Variants in TUBGCP6 observed in about 807,000 individuals in gnomAD.
TUBGCP6 encodes the protein tubulin gamma complex component 6, also known as gamma-tubulin complex component 6.
Under a neutral mutation model 175.8 loss-of-function variants are expected in TUBGCP6, and 161 were observed. The observed-to-expected ratio is 0.92, with a 90% confidence interval of 0.81 to 1.04. TUBGCP6 has a LOEUF of 1.04. Ranked by LOEUF, TUBGCP6 falls within the 50% of genes least tolerant of loss-of-function variation. The probability of loss-of-function intolerance (pLI) is 0.00; values close to 1 mark genes in which losing one functional copy is unlikely to be tolerated. For synonymous variants in TUBGCP6, 1,173 were observed against 1,030.5 expected, an observed-to-expected ratio of 1.14 and a Z score of -2.65; for missense variants, 2,572 against 2,433.0, an observed-to-expected ratio of 1.06 and a Z score of -1.20.
intron 17 of TUBGCP6, 76 bp downstream of exon 17, chr22:50,219,881 A>T: frequency 6.2e-7 from 1 of 1,603,868 alleles, no homozygotes; most frequent in Non-Finnish European, 8.5e-7. Flanking sequence ...CGCATGTGGG[A>T]CCCACCCGCG....
Position 50,220,534 on chromosome 22 carries a change from G to A in TUBGCP6, c.3825C>T (p.Pro1275=). The A allele has an allele frequency of 6.2e-7, 1 of 1,613,552 alleles. No individual in the cohort carries two copies. Among genetic ancestry groups the A allele is most frequent in the Non-Finnish European group, 8.5e-7 (1 of 1,179,992 alleles). The change falls in exon 16 of 25, where the codon CCC becomes CCT. Residue 1275 remains proline (P), a synonymous_variant. Coordinates refer to ENST00000248846, the MANE Select transcript of TUBGCP6 (RefSeq NM_020461.4). The part of the protein sequence containing the change: ...RWNTHVPIPP[P]HMVLGALSPE... The stretch of plus-strand genomic sequence containing the variant: ...GTGAGAGAGCCCCCAGCACCATGTG[G>A]GGCGGAGGGATGGGTACATGGGTGT...
In TUBGCP6 at chr22:50,218,852, G is replaced by A. The variant is rs1451435956; in HGVS notation, c.4672C>T (p.Leu1558=). ...TPGELLNPLV[L]NSVLSKALQC... is the part of the protein sequence containing the mutation. Reference sequence around the variant, plus strand: ...AGGGCCTTGCTCAGCACAGAGTTCAGCACCAGCGGGTTGAGCAGCTCTCCG... The same window carrying A: ...AGGGCCTTGCTCAGCACAGAGTTCAACACCAGCGGGTTGAGCAGCTCTCCG... Residue 1558 remains leucine (L), a synonymous_variant, in exon 21 of 25, where the codon CTG becomes TTG. Transcript: ENST00000248846. The A allele has an allele frequency of 1.2e-6, 2 of 1,613,768 alleles. No homozygotes were observed. The highest frequency in any genetic ancestry group is 1.7e-6 in the Non-Finnish European group (2 of 1,179,958).
Position 50,243,951 on chromosome 22 carries a change from A to G in TUBGCP6, c.509T>C (p.Leu170Ser). The G allele has an allele frequency of 6.2e-7, 1 of 1,614,150 alleles. No homozygotes were observed. The highest frequency in any genetic ancestry group is 8.5e-7 in the Non-Finnish European group (1 of 1,180,038). ...TGTTTCCTGGATCATGCTGTGACAC[A>G]AACACTCTTCTCTGGAGATCAGAGA... ...VQSLISREEC[L>S]CHSMIQETLQ... The change falls in exon 1 of 25, where the codon TTG (leucine) becomes TCG (serine). Residue 170 changes from leucine (L) to serine (S), a missense_variant. By Grantham distance (145) the Leu-to-Ser change is moderately radical. Transcript: ENST00000248846.
chr22:50,230,075 G>A (rs573830407), intron 3 of TUBGCP6, among the ~76,000 whole-genome samples: 5 of 152,140 alleles, frequency 3.3e-5, no homozygotes, highest in African/African-American at 7.2e-5. Context: ...GGTTACAGCC[G>A]CAAATACCCA....
Position 50,218,708 on chromosome 22 carries a change from A to T in TUBGCP6, c.4816T>A (p.Tyr1606Asn), listed in dbSNP as rs1311012118. ...PDVLSCLELR[Y>N]KVDWPLNIVI... ...CGGCCAGGGCTGCTGCTGACCTTGT[A>T]CCTGAGCTCCAGGCAGCTCAGCACA... Residue 1606 changes from tyrosine to asparagine, a missense_variant, in exon 21 of 25, where the codon TAC becomes AAC. Tyr to Asn is a moderately radical substitution (Grantham distance 143). Coordinates refer to ENST00000248846, the MANE Select transcript of TUBGCP6 (RefSeq NM_020461.4). 1.1e-5 allele frequency: 18 copies of T among 1,613,580 alleles called. No homozygotes were observed. Among genetic ancestry groups the T allele is most frequent in the Non-Finnish European group, 1.5e-5 (18 of 1,179,862 alleles).
chr22:50,225,506 C>T (rs573780239), intron 10 of TUBGCP6, among the ~76,000 whole-genome samples: 1 of 152,138 alleles, frequency 6.6e-6, no homozygotes, highest in South Asian at 2.1e-4. Context: ...GGGCTTCAGG[C>T]TGAGCCACCC....
At position 50,218,781 on chromosome 22, in the gene TUBGCP6, G is replaced by A; in HGVS notation, c.4743C>T (p.Ser1581=). 4 of 1,614,076 alleles carry A rather than the reference G, an allele frequency of 2.5e-6. No homozygotes were observed. Among genetic ancestry groups the A allele is most frequent in the African/African-American group, 2.7e-5 (2 of 75,044 alleles). Residue 1581 remains serine (S), a synonymous_variant, in exon 21 of 25, where the codon TCC becomes TCT. Coordinates refer to ENST00000248846, the MANE Select transcript of TUBGCP6 (RefSeq NM_020461.4). ...HGDTPHASNL[S]LALKYLPEVF... is the part of the protein sequence containing the mutation. Reference sequence around the variant, plus strand: ...CCTCGGGCAGGTACTTGAGAGCGAGGGAGAGGTTGGAGGCGTGCGGGGTGT... The same window carrying A: ...CCTCGGGCAGGTACTTGAGAGCGAGAGAGAGGTTGGAGGCGTGCGGGGTGT...
chr22:50,242,581 A>C (rs17248343), intron 1 of TUBGCP6, among the ~76,000 whole-genome samples: 2,336 of 152,380 alleles, frequency 0.015, 64 homozygotes, highest in East Asian at 0.12. Context: ...TCGCATAAGA[A>C]TAGAACGACT....
Position 50,226,309 on chromosome 22 carries a change from G to A in TUBGCP6, c.1671C>T (p.Asn557=). The A allele has an allele frequency of 1.9e-6, 3 of 1,613,898 alleles. No individual in the cohort carries two copies. Among genetic ancestry groups the A allele is most frequent in the South Asian group, 1.1e-5 (1 of 91,078 alleles). The change falls in exon 8 of 25, where the codon AAC becomes AAT. Residue 557 remains asparagine, a synonymous_variant. Coordinates refer to ENST00000248846, the MANE Select transcript of TUBGCP6 (RefSeq NM_020461.4). The part of the protein sequence containing the change: ...DAYGEFMIQV[N]HEYLSFRDKL... The stretch of plus-strand genomic sequence containing the variant: ...TACCTCGGAAGCTGAGGTACTCGTG[G>A]TTCACCTGAATCATGAACTCGCCAT...
chr22:50,237,661 G>C (rs1044623719), intron 2 of TUBGCP6, among the ~76,000 whole-genome samples: 1 of 152,124 alleles, frequency 6.6e-6, no homozygotes, highest in African/African-American at 2.4e-5. Flanking sequence ...AGGAACCACC[G>C]CCAGGCCCCA....
chr22:50,223,508 G>T (rs2064559608), intron 13 of TUBGCP6: 1 of 153,612 alleles, frequency 6.5e-6, no homozygotes, highest in East Asian at 1.9e-4. Context: ...GCCGAGCGCG[G>T]TGGCTCGCGC....
Position 50,244,337 on chromosome 22 carries a change from G to A in TUBGCP6, c.123C>T (p.Ala41=). 1 of 1,613,576 alleles carries A rather than the reference G, an allele frequency of 6.2e-7. No individual in the cohort carries two copies. The highest frequency in any genetic ancestry group is 8.5e-7 in the Non-Finnish European group (1 of 1,180,040). ...KRAKRSLKKV[A]YNALFTNLFQ... ...AAAGATTTGTGAAAAGAGCATTGTA[G>A]GCCACCTTCTTGAGGCTCCGCTTTG... is the stretch of plus-strand genomic sequence containing the variant. The change falls in exon 1 of 25, where the codon GCC becomes GCT. Residue 41 remains alanine (A), a synonymous_variant. Coordinates refer to ENST00000248846, the MANE Select transcript of TUBGCP6 (RefSeq NM_020461.4).
At chr22:50,225,406 G>A (rs540040588) in intron 10 of TUBGCP6, among the ~76,000 whole-genome samples, 13 of 152,210 alleles carry the variant, frequency 8.5e-5, no homozygotes, top group Non-Finnish European at 1.5e-4. Context: ...TGCAAAGGGC[G>A]AAGGCCATCT....
rs770435274 is a variant in TUBGCP6 at position 50,221,852 on chromosome 22, T to TCCGG, written c.2506_2507insCCGG (p.His836ProfsTer10). On this transcript the variant is annotated frameshift_variant, in exon 16 of 25. Transcript: ENST00000248846. LOFTEE classifies it high-confidence loss of function. The stretch of plus-strand genomic sequence containing the variant: ...ATCACAGCCTTGGCCTCCCTCTGGG[T>TCCGG]GCTCAGGGCCCGGAGACGTGACCTG... The TCCGG allele has an allele frequency of 6.6e-7, 1 of 1,511,360 alleles. No homozygotes were observed. The highest frequency in any genetic ancestry group is 8.8e-7 in the Non-Finnish European group (1 of 1,130,238). The allele number at this position is 1,511,360 out of a possible 1,614,324, so 93.6% of individuals were successfully genotyped here.
intron 1 of TUBGCP6, among the ~76,000 whole-genome samples, chr22:50,240,906 T>C (rs79747099): frequency 0.015 from 2,318 of 152,266 alleles, 63 homozygotes; most frequent in East Asian, 0.12. Context: ...GAAGAATTGC[T>C]TGAACCCGGG....
chr22:50,230,035 C>T (rs1330714555), intron 3 of TUBGCP6, among the ~76,000 whole-genome samples: 2 of 152,000 alleles, frequency 1.3e-5, no homozygotes, highest in African/African-American at 4.8e-5. Context: ...ACAACCAAAA[C>T]GAATGGGGTG....
At position 50,226,038 on chromosome 22, in the gene TUBGCP6, G is replaced by A. The variant is rs777254067; in HGVS notation, c.1833+12C>T. 5.6e-6 allele frequency: 9 copies of A among 1,613,894 alleles called. No homozygotes were observed. Among genetic ancestry groups the A allele is most frequent in the Middle Eastern group, 1.6e-4 (1 of 6,084 alleles). On this transcript the variant is annotated intron_variant, in intron 9 of 24. Transcript: ENST00000248846. ...CGGCCCCTCTCTTCCCCACACATGA[G>A]CCCCTCCTCACCCGGGGGCAGCAGA...
rs1230006408 is a variant in TUBGCP6, at chr22:50,218,810, C to G, written c.4714G>C (p.Gly1572Arg). ...LSKALQCSLH[G>R]DTPHASNLSL... is the part of the protein sequence containing the mutation. Reference sequence around the variant, plus strand: ...AGGTTGGAGGCGTGCGGGGTGTCCCCATGCAGGCTGCACTGCAGGGCCTTG... The same window carrying G: ...AGGTTGGAGGCGTGCGGGGTGTCCCGATGCAGGCTGCACTGCAGGGCCTTG... Residue 1572 changes from glycine to arginine, a missense_variant, in exon 21 of 25, where the codon GGG (glycine) becomes CGG (arginine). Coordinates refer to ENST00000248846, the MANE Select transcript of TUBGCP6 (RefSeq NM_020461.4). 6.2e-7 allele frequency: 1 copy of G among 1,614,114 alleles called. No individual in the cohort carries two copies. Among genetic ancestry groups the G allele is most frequent in the East Asian group, 2.2e-5 (1 of 44,880 alleles).
chr22:50,218,641 G>A, intron 21 of TUBGCP6, 21 bp from the exon 22 acceptor site: 1 of 1,613,810 alleles, frequency 6.2e-7, no homozygotes, highest in East Asian at 2.2e-5. Context: ...GCGTGGCTCA[G>A]CAGGCATCCC....
Sources: gnomAD v4.1 joint callset for allele counts (sites outside exome capture counted in the v4.1 genomes callset) on GRCh38, gnomAD v4.1.1 for gene constraint, MANE v1.5 for transcripts, NCBI Gene and HGNC (gene_info 2026-07-23, HGNC 2026-07-21) for gene names.